The following BAZ2B variants were observed in gnomAD, a reference collection of about 807,000 sequenced individuals.
BAZ2B encodes the protein bromodomain adjacent to zinc finger domain protein 2B.
In BAZ2B, 91 loss-of-function variants were observed where a neutral mutation model predicts 246.0. The observed-to-expected ratio is 0.37, with a 90% CI of 0.31 to 0.44. The LOEUF is 0.44. Among genes scored for constraint, BAZ2B ranks in the 20% least tolerant of loss-of-function variants. The probability of loss-of-function intolerance (pLI) is 1.00; values close to 1 mark genes in which losing one functional copy is unlikely to be tolerated. For synonymous variants in BAZ2B, 855 were observed against 860.0 expected (o/e 0.99, Z 0.10); for missense variants, 2,332 against 2,533.7 (o/e 0.92, Z 1.71).
At chr2:159,602,927 G>A (rs754549557) in intron 1 of BAZ2B, among the ~76,000 whole-genome samples, 9 of 152,114 alleles carry the variant, frequency 5.9e-5, no homozygotes, top group Non-Finnish European at 1.3e-4. Context: ...GCTTCAGGCC[G>A]GGAGTTCAAG....
intron 25 of BAZ2B, among the ~76,000 whole-genome samples, chr2:159,378,231 T>C (rs908643110): frequency 2.0e-5 from 3 of 152,234 alleles, no homozygotes; most frequent in Non-Finnish European, 2.9e-5. Flanking sequence ...ATTACACTTC[T>C]GATACTCAAA....
chr2:159,673,879 T>C, the BAZ2B span, among the ~76,000 whole-genome samples: 6 of 151,830 alleles, frequency 4.0e-5, no homozygotes, highest in African/African-American at 1.2e-4. Flanking sequence ...ACAAATCCTG[T>C]AGAGGAATGA....
intron 1 of BAZ2B, among the ~76,000 whole-genome samples, chr2:159,594,467 T>C (rs920040140): frequency 2.0e-5 from 3 of 152,186 alleles, no homozygotes; most frequent in Non-Finnish European, 4.4e-5. Context: ...GAACCCAAGT[T>C]TACAAAAGAA....
intron 22 of BAZ2B, 65 bp from the exon 23 acceptor site, chr2:159,385,434 T>A: frequency 7.2e-7 from 1 of 1,383,418 alleles, no homozygotes; most frequent in Admixed American, 1.9e-5. Flanking sequence ...AACAATAAGA[T>A]TAAAAATCCT....
chr2:159,452,588 G>A (rs1000334608), intron 4 of BAZ2B, among the ~76,000 whole-genome samples: 1 of 152,176 alleles, frequency 6.6e-6, no homozygotes, highest in South Asian at 2.1e-4. Flanking sequence ...ACTAAAACAT[G>A]CAGACCTCAC....
chr2:159,574,383 T>C (rs1284189228), intron 1 of BAZ2B, among the ~76,000 whole-genome samples: 1 of 152,146 alleles, frequency 6.6e-6, no homozygotes, highest in Non-Finnish European at 1.5e-5. Flanking sequence ...AATAAGTGTT[T>C]GTAAGGATGT....
At chr2:159,690,221 T>A in the BAZ2B span, 1 of 436,396 alleles carries the variant, frequency 2.3e-6, no homozygotes, top group Non-Finnish European at 4.4e-6. Context: ...AGCAGGTGCT[T>A]TCACATTATA....
chr2:159,404,977 C>T, intron 15 of BAZ2B, 45 bp downstream of exon 15: 1 of 1,611,690 alleles, frequency 6.2e-7, no homozygotes, highest in African/African-American at 1.3e-5. Context: ...TTATGAATTC[C>T]CCAGTACTGA....
rs184027534 is a variant in BAZ2B, at chr2:159,398,994, A to G, written c.2899-100T>C. 8.1e-5 allele frequency: 87 copies of G among 1,072,388 alleles called. No homozygotes were observed. The East Asian group carries it at 1.6e-3, about 20-fold the overall frequency. The allele number at this position is 1,072,388 out of a possible 1,614,324, so 66.4% of individuals were successfully genotyped here. ...GAAGCTACATGTCTCACAAGGTACG[A>G]AACAGTATGTAACACATATGTAGAC... On this transcript the variant is annotated intron_variant, in intron 17 of 36. Transcript: ENST00000392783.
intron 1 of BAZ2B, among the ~76,000 whole-genome samples, chr2:159,570,949 G>A (rs1683859153): frequency 6.6e-6 from 1 of 152,106 alleles, no homozygotes; most frequent in African/African-American, 2.4e-5. Context: ...CTCCTCCTGG[G>A]TTCAAGAGAT....
At chr2:159,619,682 A>T (rs1696354917), upstream of BAZ2B, among the ~76,000 whole-genome samples, 1 of 151,928 alleles carries the variant, frequency 6.6e-6, no homozygotes, top group South Asian at 2.1e-4. Context: ...ATGATTTCCT[A>T]GAAATTTTAA....
At chr2:159,651,091 C>T in the BAZ2B span, among the ~76,000 whole-genome samples, 2 of 152,118 alleles carry the variant, frequency 1.3e-5, no homozygotes, top group Admixed American at 1.3e-4. Context: ...ATCTCCAGCA[C>T]ATAATGTTAT....
At chr2:159,452,165 T>C (rs530103334) in intron 4 of BAZ2B, among the ~76,000 whole-genome samples, 2 of 151,918 alleles carry the variant, frequency 1.3e-5, no homozygotes, top group South Asian at 4.2e-4. Flanking sequence ...GACAACTGAA[T>C]TAAAGAAGTA....
rs759817790 is a variant in BAZ2B, at chr2:159,349,833, T to C, written c.4738A>G (p.Thr1580Ala). 25 of 1,614,046 alleles carry C rather than the reference T, an allele frequency of 1.5e-5. No homozygotes were observed. Among genetic ancestry groups the C allele is most frequent in the South Asian group, 4.4e-5 (4 of 91,082 alleles). The change falls in exon 28 of 37, where the codon ACT becomes GCT. Residue 1580 changes from threonine (T) to alanine (A), a missense_variant. Transcript: ENST00000392783. ...DTSLTHADMS[T>A]ASLVTPQSQP... The stretch of plus-strand genomic sequence containing the variant: ...GACTGAGGAGTCACCAAAGAAGCAG[T>C]TGACATATCGGCATGAGTAAGTGAA...
chr2:159,357,435 A>AGAAATG (rs753407945), intron 27 of BAZ2B, among the ~76,000 whole-genome samples: 9 of 152,090 alleles, frequency 5.9e-5, no homozygotes, highest in Non-Finnish European at 1.2e-4. Context: ...AAGAATGAAA[A>AGAAATG]GAAATGAACA....
the BAZ2B span, among the ~76,000 whole-genome samples, chr2:159,697,044 C>G: frequency 6.6e-6 from 1 of 152,186 alleles, no homozygotes; most frequent in Non-Finnish European, 1.5e-5. Flanking sequence ...CCTCAGCCTC[C>G]CAAAGTGCTG....
chr2:159,696,962 T>C, the BAZ2B span, among the ~76,000 whole-genome samples: 1 of 152,250 alleles, frequency 6.6e-6, no homozygotes, highest in Admixed American at 6.5e-5. Flanking sequence ...AATTGTTGTA[T>C]TTTTGTAGGG....
At chr2:159,661,525 G>C in the BAZ2B span, among the ~76,000 whole-genome samples, 362 of 152,224 alleles carry the variant, frequency 2.4e-3, 1 homozygote, top group Non-Finnish European at 4.0e-3. Context: ...AAGCCAAACT[G>C]TTTTCCTAAG....
the BAZ2B span, among the ~76,000 whole-genome samples, chr2:159,695,722 C>T: frequency 4.6e-5 from 7 of 151,930 alleles, no homozygotes; most frequent in Non-Finnish European, 1.0e-4. Flanking sequence ...AGTCTCAGTT[C>T]TATTCCATTG....
Sources: allele counts gnomAD v4.1 joint callset (sites outside exome capture counted in the v4.1 genomes callset), GRCh38; gene constraint gnomAD v4.1.1; transcripts MANE v1.5; gene names NCBI Gene and HGNC (gene_info 2026-07-23, HGNC 2026-07-21).